The following COL28A1 variants were observed in gnomAD, a reference collection of about 807,000 sequenced individuals.
COL28A1 encodes the protein collagen alpha-1(XXVIII) chain.
A neutral mutation model predicts 150.2 loss-of-function variants in COL28A1; 161 were observed. The ratio of observed to expected loss-of-function variants is 1.07; its 90% CI spans 0.94 to 1.22. The LOEUF (loss-of-function observed/expected upper bound fraction) is 1.22, where lower values mean the gene tolerates loss of function less well. COL28A1 is among the 50% of genes most tolerant of loss of function. The pLI is 0.00. For synonymous variants in COL28A1, 552 were observed against 469.7 expected, an observed-to-expected ratio of 1.18 and a Z score of -2.26; for missense variants, 1,617 against 1,388.3, an observed-to-expected ratio of 1.16 and a Z score of -2.62.
intron 27 of COL28A1, among the ~76,000 whole-genome samples, chr7:7,404,010 T>A (rs1783362071): frequency 6.6e-6 from 1 of 152,184 alleles, no homozygotes; most frequent in African/African-American, 2.4e-5. Flanking sequence ...CTTGGTGCAA[T>A]CCTGGCCCTG....
intron 1 of COL28A1, among the ~76,000 whole-genome samples, chr7:7,533,359 A>G (rs1250080881): frequency 6.6e-6 from 1 of 152,138 alleles, no homozygotes; most frequent in Non-Finnish European, 1.5e-5. Context: ...ATTTTGTAGA[A>G]CTGTAGACAA....
At chr7:7,338,645 G>C in the COL28A1 span, among the ~76,000 whole-genome samples, 1 of 152,076 alleles carries the variant, frequency 6.6e-6, no homozygotes, top group South Asian at 2.1e-4. Context: ...AAGATAATTT[G>C]ACCTCTTCTT....
intron 11 of COL28A1, among the ~76,000 whole-genome samples, chr7:7,504,011 T>A (rs1036164964): frequency 2.0e-5 from 3 of 152,182 alleles, no homozygotes; most frequent in Admixed American, 2.0e-4. Context: ...AGTCCTCAAA[T>A]GCTTTTGGAA....
At position 7,531,245 on chromosome 7, in the gene COL28A1, C is replaced by A. The variant is rs1181432084; in HGVS notation, c.681+103G>T. 1.1e-5 allele frequency: 6 copies of A among 543,068 alleles called. No individual in the cohort carries two copies. In the Admixed American group the frequency reaches 2.1e-4, roughly 19 times the overall value. The allele number at this position is 543,068 out of a possible 1,614,324, so 33.6% of individuals were successfully genotyped here. A position where few individuals can be genotyped will look rare whatever the true frequency, so the allele number is the denominator to read the frequency against. ...TCTTTCTGTTTTCAGTGTTAACTCTCATTTTCTCCATCTTTTTGACCCAGT... is the reference window on the plus strand; with the variant it reads ...TCTTTCTGTTTTCAGTGTTAACTCTAATTTTCTCCATCTTTTTGACCCAGT... On this transcript the variant is annotated intron_variant, in intron 3 of 34. Coordinates refer to ENST00000399429, the MANE Select transcript of COL28A1 (RefSeq NM_001037763.3).
In COL28A1 at chr7:7,366,798, T is replaced by C. The variant is rs371317490; in HGVS notation, c.3066+3927A>G. ...ACTTCTGAGATCATTGTTTACTAGC[T>C]TTGCAGTATTGCCTAGGGTAGGCTC... On this transcript the variant is annotated intron_variant, in intron 33 of 34. Coordinates refer to ENST00000399429, the MANE Select transcript of COL28A1 (RefSeq NM_001037763.3). Among the ~76,000 whole-genome samples the C allele has an allele frequency of 2.0e-5, 3 of 152,222 alleles. No individual in the cohort carries two copies. The East Asian group carries it at 5.8e-4, about 29-fold the overall frequency.
the COL28A1 span, among the ~76,000 whole-genome samples, chr7:7,351,194 T>A: frequency 6.6e-6 from 1 of 152,076 alleles, no homozygotes; most frequent in Non-Finnish European, 1.5e-5. Flanking sequence ...AAAACATCCT[T>A]ACAAGCCAGA....
At chr7:7,350,685 A>G in the COL28A1 span, among the ~76,000 whole-genome samples, 299 of 144,940 alleles carry the variant, frequency 2.1e-3, 1 homozygote, top group Middle Eastern at 0.05. Context: ...AAAACCGCTG[A>G]AGGCAAGTCT....
intron 25 of COL28A1, among the ~76,000 whole-genome samples, chr7:7,428,054 A>G (rs78290555): frequency 0.051 from 7,807 of 152,210 alleles, 699 homozygotes; most frequent in African/African-American, 0.18. Context: ...CTGGTTCTTC[A>G]TTTCTTCATC....
chr7:7,444,077 C>T (rs1417475545), intron 19 of COL28A1, among the ~76,000 whole-genome samples: 1 of 148,634 alleles, frequency 6.7e-6, no homozygotes, highest in Non-Finnish European at 1.5e-5. Context: ...TTACAAAGGC[C>T]TTATTTCCTG....
chr7:7,410,456 G>A (rs945606842), intron 27 of COL28A1, among the ~76,000 whole-genome samples: 2 of 152,098 alleles, frequency 1.3e-5, no homozygotes, highest in African/African-American at 2.4e-5. Context: ...TGGAGTCATC[G>A]TGTGAATTTC....
At chr7:7,377,080 T>C (rs1265846569) in intron 30 of COL28A1, among the ~76,000 whole-genome samples, 1 of 152,242 alleles carries the variant, frequency 6.6e-6, no homozygotes, top group Non-Finnish European at 1.5e-5. Context: ...TGTATTCTCT[T>C]GTGCAATCTG....
At chr7:7,470,679 C>T (rs1351405814) in intron 15 of COL28A1, among the ~76,000 whole-genome samples, 2 of 78,756 alleles carry the variant, frequency 2.5e-5, no homozygotes, top group East Asian at 4.1e-4. Context: ...TATTGCGGCA[C>T]TATTCACAAT....
At chr7:7,345,496 T>TA in the COL28A1 span, among the ~76,000 whole-genome samples, 3 of 152,104 alleles carry the variant, frequency 2.0e-5, no homozygotes, top group Admixed American at 1.3e-4. Context: ...TTCCTTTAGG[T>TA]AAAAAACTTC....
intron 33 of COL28A1, among the ~76,000 whole-genome samples, chr7:7,362,730 G>C (rs1458611507): frequency 6.6e-6 from 1 of 152,092 alleles, no homozygotes; most frequent in Non-Finnish European, 1.5e-5. Flanking sequence ...CAAAACTGTG[G>C]ATTACTTGAG....
At chr7:7,363,379 A>G (rs1286573264) in intron 33 of COL28A1, among the ~76,000 whole-genome samples, 1 of 152,184 alleles carries the variant, frequency 6.6e-6, no homozygotes. Context: ...ATCTGTTAAC[A>G]TTACTCCACA....
At chr7:7,344,044 TTTC>T in the COL28A1 span, among the ~76,000 whole-genome samples, 1 of 151,850 alleles carries the variant, frequency 6.6e-6, no homozygotes, top group African/African-American at 2.4e-5. Context: ...TGCAGGTGCA[TTTC>T]TTAATTTCTT....
intron 6 of COL28A1, among the ~76,000 whole-genome samples, chr7:7,518,214 T>C (rs1781525017): frequency 1.3e-5 from 2 of 152,176 alleles, no homozygotes; most frequent in Non-Finnish European, 2.9e-5. Flanking sequence ...GAGTGATTGC[T>C]TGATTTCAGC....
chr7:7,425,461 C>T (rs750542426), intron 25 of COL28A1, among the ~76,000 whole-genome samples: 3 of 152,200 alleles, frequency 2.0e-5, no homozygotes, highest in Non-Finnish European at 4.4e-5. Context: ...CTGTATTACA[C>T]AGGTCCCACA....
chr7:7,441,398 A>G (rs1399747217), intron 20 of COL28A1, among the ~76,000 whole-genome samples: 5 of 151,918 alleles, frequency 3.3e-5, no homozygotes, highest in Non-Finnish European at 7.4e-5. Flanking sequence ...TGACTACTAG[A>G]TGTTGCCCAG....
Sources: allele counts gnomAD v4.1 joint callset (sites outside exome capture counted in the v4.1 genomes callset), GRCh38; gene constraint gnomAD v4.1.1; transcripts MANE v1.5; gene names NCBI Gene and HGNC (gene_info 2026-07-23, HGNC 2026-07-21).